HSPG2: variants seen among roughly 807,000 people sequenced by gnomAD.
The protein encoded by HSPG2 is heparan sulfate proteoglycan 2.
A neutral mutation model predicts 526.6 loss-of-function variants in HSPG2; 278 were observed. The observed-to-expected ratio is 0.53, with a 90% CI of 0.48 to 0.58. The LOEUF is 0.58. HSPG2 is among the 20% of genes least tolerant of loss of function. HSPG2 has a pLI of 0.00. For synonymous variants in HSPG2, 2,465 were observed against 2,555.4 expected (o/e 0.96, Z 1.07); for missense variants, 5,354 against 6,099.5 (o/e 0.88, Z 4.07).
rs1022101357 is a variant in HSPG2 at position 21,865,901 on chromosome 1, T to C, written c.4222-92A>G. ...AGGGATGGAGCATCTGGCGGCCTTT[T>C]TGCACCTGTGCCACACTCCCCCACC... On this transcript the variant is annotated intron_variant, in intron 33 of 96. Coordinates refer to ENST00000374695, the MANE Select transcript of HSPG2 (RefSeq NM_005529.7). This position sits in a 1 kb window ranked among gnomAD's most constrained non-coding sequence, Gnocchi z 5.4. 1.2e-5 allele frequency: 12 copies of C among 981,470 alleles called. No homozygotes were observed. Among genetic ancestry groups the C allele is most frequent in the Non-Finnish European group, 1.9e-5 (12 of 615,886 alleles). The allele number at this position is 981,470 out of a possible 1,614,324, so 60.8% of individuals were successfully genotyped here. A position where few individuals can be genotyped will look rare whatever the true frequency, so the allele number is the denominator to read the frequency against.
intron 71 of HSPG2, 76 bp from the exon 72 acceptor site, chr1:21,840,093 C>A (rs2098042570): frequency 1.6e-6 from 2 of 1,219,830 alleles, no homozygotes; most frequent in South Asian, 1.2e-5. Flanking sequence ...CTGGCTTGGT[C>A]TTCCCTATTT....
chr1:21,875,527 C>A, intron 25 of HSPG2, 102 bp downstream of exon 25: 1 of 895,622 alleles, frequency 1.1e-6, no homozygotes, highest in East Asian at 2.5e-5. Context: ...AAGTGAGGCA[C>A]AAAAGGGTCA....
intron 1 of HSPG2, among the ~76,000 whole-genome samples, chr1:21,912,551 G>C (rs771769642): frequency 1.3e-5 from 2 of 152,214 alleles, no homozygotes; most frequent in Non-Finnish European, 2.9e-5. Flanking sequence ...CCAAAGAAGG[G>C]AAGTGAGCAT....
chr1:21,922,628 A>G (rs1009234964), intron 1 of HSPG2, among the ~76,000 whole-genome samples: 2 of 152,058 alleles, frequency 1.3e-5, no homozygotes, highest in African/African-American at 4.8e-5. Context: ...CTTCTGGGAG[A>G]TGAGGTGGAG....
At chr1:21,889,237 G>A (rs1642172547) in intron 6 of HSPG2, among the ~76,000 whole-genome samples, 1 of 151,380 alleles carries the variant, frequency 6.6e-6, no homozygotes, top group African/African-American at 2.4e-5. Context: ...TGGAGACAGG[G>A]CCGAGAACCA....
chr1:21,935,766 G>A (rs1644472720), intron 1 of HSPG2, among the ~76,000 whole-genome samples: 2 of 152,232 alleles, frequency 1.3e-5, no homozygotes, highest in African/African-American at 2.4e-5. Context: ...GGTGCGTTGG[G>A]AAAAGTAAAA....
intron 33 of HSPG2, chr1:21,870,785 CA>C: frequency 1.0e-6 from 1 of 977,410 alleles, no homozygotes; most frequent in Non-Finnish European, 1.2e-6. Context: ...CCCGAGAAGG[CA>C]CCACGCCCCA....
chr1:21,869,824 T>C (rs551054813), intron 33 of HSPG2, among the ~76,000 whole-genome samples: 1 of 152,322 alleles, frequency 6.6e-6, no homozygotes, highest in East Asian at 1.9e-4. Flanking sequence ...CCCACTGCCC[T>C]CTTGTTCCTC....
Position 21,848,251 on chromosome 1 carries a change from G to A in HSPG2, c.7738-158C>T, listed in dbSNP as rs1026177978. ...CCAGCATGGCATGTGGCCTGTCTCT[G>A]GGCTGGGGTGGACGTCTAGCCTTTT... On this transcript the variant is annotated intron_variant, in intron 59 of 96. Coordinates refer to ENST00000374695, the MANE Select transcript of HSPG2 (RefSeq NM_005529.7). The surrounding 1 kb of genome is among the most constrained non-coding windows in gnomAD (Gnocchi z 4.9). 6.6e-6 allele frequency among the ~76,000 whole-genome samples: 1 copy of A among 152,176 alleles called. No individual in the cohort carries two copies. The highest frequency in any genetic ancestry group is 1.5e-5 in the Non-Finnish European group (1 of 68,026).
chr1:21,853,194 C>A, intron 50 of HSPG2, 124 bp from the exon 51 acceptor site: 1 of 1,308,000 alleles, frequency 7.6e-7, no homozygotes, highest in Admixed American at 2.0e-5. Context: ...CTTTCTGGGA[C>A]TAGGGCCACA....
At chr1:21,914,888 C>T (rs1643847755) in intron 1 of HSPG2, among the ~76,000 whole-genome samples, 1 of 152,206 alleles carries the variant, frequency 6.6e-6, no homozygotes, top group Admixed American at 6.5e-5. Flanking sequence ...TGCCTGACCC[C>T]CAAAAGCTCA....
rs746472056 is a variant in HSPG2, at chr1:21,835,605, G to A, written c.10388C>T (p.Thr3463Met). 1.5e-5 allele frequency: 25 copies of A among 1,613,830 alleles called. No homozygotes were observed. Among genetic ancestry groups the A allele is most frequent in the South Asian group, 8.8e-5 (8 of 91,082 alleles). Residue 3463 changes from threonine to methionine, a missense_variant, in exon 76 of 97, where the codon ACG becomes ATG. Transcript: ENST00000374695. ...IQNLDQSCQG[T>M]YICQAHGPWG... ...AGGTCCATGGGCCTGGCATATATAC[G>A]TCCCTTGGCAGCTCTGGTCCAAGTT...
In HSPG2 at chr1:21,836,997, C is replaced by G. The variant is rs973167689; in HGVS notation, c.10160G>C (p.Gly3387Ala). The G allele has an allele frequency of 9.0e-6, 14 of 1,550,490 alleles. No homozygotes were observed. Among genetic ancestry groups the G allele is most frequent in the Admixed American group, 2.0e-5 (1 of 51,142 alleles). ...FAQLLVQGPP[G>A]SLPATSIPAG... ...TGGGATGGAGGTGGCAGGGAGAGAG[C>G]CGGGAGGGCCTGCGGGGACATGTAT... Residue 3387 changes from glycine (G) to alanine (A), a missense_variant, in exon 75 of 97, where the codon GGC (glycine) becomes GCC (alanine). Gly to Ala is a moderately conservative substitution (Grantham distance 60). Coordinates refer to ENST00000374695, the MANE Select transcript of HSPG2 (RefSeq NM_005529.7).
In HSPG2 at chr1:21,854,331, G is replaced by A. The variant is rs752963188; in HGVS notation, c.6301C>T (p.Arg2101Cys). Residue 2101 changes from arginine to cysteine, a missense_variant, in exon 50 of 97, where the codon CGT becomes TGT. Physicochemically the swap from Arg to Cys is radical, Grantham distance 180. Coordinates refer to ENST00000374695, the MANE Select transcript of HSPG2 (RefSeq NM_005529.7). ...GGTGAGACCTGGGGGAGCCGCAGACGGGAGCCGTGCACCTGGGCCAGGAGG... is the reference window on the plus strand; with the variant it reads ...GGTGAGACCTGGGGGAGCCGCAGACAGGAGCCGTGCACCTGGGCCAGGAGG... ...LPPHTQVHGS[R>C]LRLPQVSPAD... The A allele has an allele frequency of 5.7e-6, 9 of 1,569,908 alleles. No individual in the cohort carries two copies. The East Asian group carries it at 6.9e-5, about 12-fold the overall frequency.
intron 1 of HSPG2, among the ~76,000 whole-genome samples, chr1:21,905,833 A>G (rs1404728628): frequency 6.6e-6 from 1 of 152,212 alleles, no homozygotes; most frequent in Non-Finnish European, 1.5e-5. Flanking sequence ...CAACATAGTG[A>G]GACTCTGTCT....
intron 13 of HSPG2, among the ~76,000 whole-genome samples, chr1:21,884,104 G>A (rs114502069): frequency 0.011 from 1,603 of 152,258 alleles, 18 homozygotes; most frequent in Non-Finnish European, 0.016. Context: ...CTGAAAATGC[G>A]CTGAGCACAA....
Position 21,937,194 on chromosome 1 carries a change from C to T in HSPG2, c.24G>A (p.Ala8=), listed in dbSNP as rs1263914321. MGWRAAG[A]LLLALLLHGR... is the part of the protein sequence containing the mutation. ...CGTGCAGCAGCAGCGCCAGCAGCAG[C>T]GCGCCCGCCGCCCGCCACCCCATGG... Residue 8 remains alanine, a synonymous_variant, in exon 1 of 97, where the codon GCG becomes GCA. Coordinates refer to ENST00000374695, the MANE Select transcript of HSPG2 (RefSeq NM_005529.7). 9.2e-7 allele frequency: 1 copy of T among 1,086,392 alleles called. No individual in the cohort carries two copies. The highest frequency in any genetic ancestry group is 1.1e-6 in the Non-Finnish European group (1 of 884,076). The allele number at this position is 1,086,392 out of a possible 1,614,324, so 67.3% of individuals were successfully genotyped here. A position where few individuals can be genotyped will look rare whatever the true frequency, so the allele number is the denominator to read the frequency against.
intron 3 of HSPG2, among the ~76,000 whole-genome samples, chr1:21,891,709 C>T (rs538403897): frequency 1.3e-5 from 2 of 152,248 alleles, no homozygotes; most frequent in Non-Finnish European, 2.9e-5. Flanking sequence ...CTCTAAGGCT[C>T]AAGCTATCCT....
In HSPG2 at chr1:21,842,297, G is replaced by A; in HGVS notation, c.8994C>T (p.Gly2998=). 1 of 1,613,404 alleles carries A rather than the reference G, an allele frequency of 6.2e-7. No homozygotes were observed. ...CTGTGAAGGAGGCTTCTTGCTCAGG[G>A]CCTGGGCCGCTGGCTGCACGACACA... The part of the protein sequence containing the change: ...EYVCRAASGP[G]PEQEASFTVT... The change falls in exon 68 of 97, where the codon GGC becomes GGT. Residue 2998 remains glycine (G), a synonymous_variant. Coordinates refer to ENST00000374695, the MANE Select transcript of HSPG2 (RefSeq NM_005529.7).
Sources: allele counts gnomAD v4.1 joint callset (sites outside exome capture counted in the v4.1 genomes callset), GRCh38; gene constraint gnomAD v4.1.1; non-coding constraint Gnocchi (gnomAD v3.1); transcripts MANE v1.5; gene names NCBI Gene and HGNC (gene_info 2026-07-23, HGNC 2026-07-21).